Variants in INPP4B observed in about 807,000 individuals in gnomAD.
The protein encoded by INPP4B is inositol polyphosphate-4-phosphatase type II B.
INPP4B carries 55 observed loss-of-function variants against 122.5 expected under a neutral mutation model. That is an observed-to-expected ratio of 0.45 (90% confidence interval 0.36 to 0.56). INPP4B has a LOEUF of 0.56. INPP4B is among the 20% of genes least tolerant of loss of function. INPP4B has a pLI of 0.00. For missense variants in INPP4B, 1,000 were observed against 1,097.7 expected (o/e 0.91, Z 1.26); for synonymous variants, 403 against 388.7 (o/e 1.04, Z -0.43).
chr4:142,237,280 C>T (rs557272082), intron 12 of INPP4B, among the ~76,000 whole-genome samples: 15 of 152,164 alleles, frequency 9.9e-5, no homozygotes, highest in South Asian at 4.1e-4. Context: ...GAGGAAAAGA[C>T]ACAAGAATTA....
chr4:142,394,961 A>C (rs979942367), intron 7 of INPP4B, among the ~76,000 whole-genome samples: 22 of 152,164 alleles, frequency 1.4e-4, no homozygotes, highest in African/African-American at 4.8e-4. Flanking sequence ...TTTTTTAAGA[A>C]ATTCATAATT....
intron 2 of INPP4B, among the ~76,000 whole-genome samples, chr4:142,632,254 A>G (rs924870999): frequency 4.1e-5 from 6 of 147,888 alleles, no homozygotes; most frequent in African/African-American, 1.3e-4. Flanking sequence ...TTGTTCAGCC[A>G]AAAAAAAGAA....
intron 2 of INPP4B, among the ~76,000 whole-genome samples, chr4:142,711,727 C>A (rs952860980): frequency 3.3e-5 from 5 of 152,060 alleles, no homozygotes. Flanking sequence ...AGGACAGAGC[C>A]TTTATGGATG....
chr4:142,141,004 A>G (rs146023437), intron 18 of INPP4B, among the ~76,000 whole-genome samples: 9 of 152,334 alleles, frequency 5.9e-5, no homozygotes, highest in Middle Eastern at 3.4e-3. Context: ...GAAGATGTTC[A>G]GAGAAATGCA....
intron 2 of INPP4B, among the ~76,000 whole-genome samples, chr4:142,596,162 T>TA (rs1295354905): frequency 6.6e-6 from 1 of 152,058 alleles, no homozygotes; most frequent in Non-Finnish European, 1.5e-5. Flanking sequence ...TTTTTTTTAA[T>TA]AAAAAAAGAC....
intron 1 of INPP4B, among the ~76,000 whole-genome samples, chr4:142,751,463 C>T (rs1425352262): frequency 6.7e-6 from 1 of 148,982 alleles, no homozygotes; most frequent in Non-Finnish European, 1.5e-5. Context: ...GATATAAAAG[C>T]ATCTCCTAAC....
At position 142,312,009 on chromosome 4, in the gene INPP4B, C is replaced by A. The variant is rs138155940; in HGVS notation, c.423+2703G>T. On this transcript the variant is annotated intron_variant, in intron 8 of 25. Transcript: ENST00000262992. ...ATAACATGAGAAAAACAAACCCATT[C>A]ATTAGTTTTAAGCCAGTTTGTCACG... is the stretch of plus-strand genomic sequence containing the variant. Among the ~76,000 whole-genome samples the A allele has an allele frequency of 5.8e-3, 876 of 152,280 alleles. 8 individuals are homozygous for A. Among genetic ancestry groups the A allele is most frequent in the African/African-American group, 0.02 (820 of 41,564 alleles).
chr4:142,641,929 C>G (rs965794138), intron 2 of INPP4B, among the ~76,000 whole-genome samples: 8 of 151,998 alleles, frequency 5.3e-5, no homozygotes, highest in Admixed American at 1.3e-4. Context: ...TCCAGCACCT[C>G]TTGTTTCCTG....
chr4:142,623,769 C>T (rs2150384051), intron 2 of INPP4B, among the ~76,000 whole-genome samples: 2 of 148,868 alleles, frequency 1.3e-5, no homozygotes, highest in Non-Finnish European at 3.0e-5. Flanking sequence ...CTTCCTGTGT[C>T]CATGTGTTCT....
intron 1 of INPP4B, among the ~76,000 whole-genome samples, chr4:142,834,825 TC>T (rs1394369431): frequency 3.9e-5 from 6 of 152,314 alleles, no homozygotes; most frequent in Admixed American, 3.3e-4. Context: ...GGAGAAAAAC[TC>T]CCTTGAGGTT....
intron 1 of INPP4B, among the ~76,000 whole-genome samples, chr4:142,771,016 G>A (rs891486001): frequency 2.6e-5 from 4 of 152,134 alleles, no homozygotes; most frequent in African/African-American, 9.7e-5. Context: ...GGTAACAAAT[G>A]CATCCTGCAC....
At chr4:142,648,816 C>G (rs1232807742) in intron 2 of INPP4B, among the ~76,000 whole-genome samples, 1 of 152,218 alleles carries the variant, frequency 6.6e-6, no homozygotes, top group Non-Finnish European at 1.5e-5. Flanking sequence ...AGCAACGTCC[C>G]TGTCTGACAG....
intron 11 of INPP4B, among the ~76,000 whole-genome samples, chr4:142,254,272 C>A (rs2150258692): frequency 6.6e-6 from 1 of 150,586 alleles, no homozygotes; most frequent in East Asian, 2.0e-4. Flanking sequence ...AGCAGAAAAA[C>A]TGGAAACTCT....
At chr4:142,379,903 T>C (rs1793441476) in intron 7 of INPP4B, among the ~76,000 whole-genome samples, 1 of 152,196 alleles carries the variant, frequency 6.6e-6, no homozygotes, top group Non-Finnish European at 1.5e-5. Context: ...TGCTACTGTG[T>C]AGGCAAGACC....
At chr4:142,037,661 G>A (rs186026060) in intron 25 of INPP4B, among the ~76,000 whole-genome samples, 76 of 152,106 alleles carry the variant, frequency 5.0e-4, no homozygotes, top group African/African-American at 1.8e-3. Context: ...CTGAAATTAC[G>A]AGCCAGGATT....
chr4:142,329,780 A>G (rs920727749), intron 7 of INPP4B, among the ~76,000 whole-genome samples: 1 of 152,230 alleles, frequency 6.6e-6, no homozygotes, highest in African/African-American at 2.4e-5. Context: ...ACATTCATCT[A>G]TGAGGTTAAT....
chr4:142,801,123 A>C (rs1356946966), intron 1 of INPP4B, among the ~76,000 whole-genome samples: 1 of 152,202 alleles, frequency 6.6e-6, no homozygotes. Context: ...ATGAGACATA[A>C]AGAACAGGAT....
intron 25 of INPP4B, among the ~76,000 whole-genome samples, chr4:142,050,502 A>C (rs111624894): frequency 6.6e-6 from 1 of 152,034 alleles, no homozygotes; most frequent in African/African-American, 2.4e-5. Flanking sequence ...AGTAGATAGC[A>C]CTGTACACAG....
intron 17 of INPP4B, among the ~76,000 whole-genome samples, chr4:142,151,675 C>G (rs1259399869): frequency 6.6e-6 from 1 of 152,194 alleles, no homozygotes; most frequent in Non-Finnish European, 1.5e-5. Context: ...TAATCAAAAG[C>G]AGGCTCAGTA....
Sources: gnomAD v4.1 joint callset for allele counts (sites outside exome capture counted in the v4.1 genomes callset) on GRCh38, gnomAD v4.1.1 for gene constraint, MANE v1.5 for transcripts, NCBI Gene and HGNC (gene_info 2026-07-23, HGNC 2026-07-21) for gene names.